The following PRKCE variants were observed in gnomAD, a reference collection of about 807,000 sequenced individuals.
PRKCE encodes protein kinase C epsilon.
In PRKCE, 16 loss-of-function variants were observed where a neutral mutation model predicts 85.4. That is an observed-to-expected ratio of 0.19 (90% CI 0.13 to 0.28). The LOEUF is 0.28. PRKCE is among the 10% of genes least tolerant of loss of function. The pLI, the probability that PRKCE is intolerant of heterozygous loss-of-function variation, is 1.00. For synonymous variants in PRKCE, 388 were observed against 371.5 expected (o/e 1.04, Z -0.51); for missense variants, 573 against 975.2 (o/e 0.59, Z 5.49).
At chr2:45,917,709 C>T (rs541087934) in intron 2 of PRKCE, among the ~76,000 whole-genome samples, 6 of 152,304 alleles carry the variant, frequency 3.9e-5, no homozygotes, top group African/African-American at 1.4e-4. Context: ...GACTGGGCGC[C>T]GTGGAGCAGG....
chr2:45,765,091 G>A (rs1684807263), intron 1 of PRKCE, among the ~76,000 whole-genome samples: 1 of 152,164 alleles, frequency 6.6e-6, no homozygotes, highest in Non-Finnish European at 1.5e-5. Context: ...CACGGGCCTT[G>A]TTTTCAGCAA....
At chr2:46,180,323 C>G (rs1214577169) in intron 14 of PRKCE, among the ~76,000 whole-genome samples, 1 of 152,082 alleles carries the variant, frequency 6.6e-6, no homozygotes, top group Non-Finnish European at 1.5e-5. Flanking sequence ...AGGAGGAAGC[C>G]CCATGGTTGG....
At chr2:46,169,707 T>C (rs115595978) in intron 14 of PRKCE, among the ~76,000 whole-genome samples, 4,690 of 152,290 alleles carry the variant, frequency 0.031, 115 homozygotes, top group Non-Finnish European at 0.044. Flanking sequence ...GCGCAGCAGC[T>C]GACATATCAG....
chr2:46,079,724 G>T (rs1668892006), intron 10 of PRKCE, among the ~76,000 whole-genome samples: 1 of 152,226 alleles, frequency 6.6e-6, no homozygotes, highest in Non-Finnish European at 1.5e-5. Flanking sequence ...GAATCTGTGT[G>T]TCCAAAGAAA....
chr2:46,133,634 A>G (rs1192823715), intron 11 of PRKCE, among the ~76,000 whole-genome samples: 3 of 152,176 alleles, frequency 2.0e-5, no homozygotes, highest in Admixed American at 6.5e-5. Context: ...TCTGACATTC[A>G]GTGAACATTG....
intron 2 of PRKCE, among the ~76,000 whole-genome samples, chr2:45,968,783 G>A (rs375229157): frequency 5.3e-5 from 8 of 152,196 alleles, no homozygotes; most frequent in African/African-American, 1.9e-4. Context: ...GACGTGGTGG[G>A]TAAGAGAAAG....
chr2:46,022,811 C>T (rs893503675), intron 10 of PRKCE, among the ~76,000 whole-genome samples: 17 of 152,272 alleles, frequency 1.1e-4, no homozygotes, highest in East Asian at 9.6e-4. Flanking sequence ...CGGCCGGGCG[C>T]GGTGGCTCAC....
chr2:46,160,734 G>A (rs1390204907), intron 14 of PRKCE, among the ~76,000 whole-genome samples: 1 of 152,206 alleles, frequency 6.6e-6, no homozygotes, highest in African/African-American at 2.4e-5. Flanking sequence ...CCTTCTCCAA[G>A]TGCAGAAAAG....
chr2:46,134,325 A>T (rs1356767509), intron 11 of PRKCE, among the ~76,000 whole-genome samples: 1 of 152,194 alleles, frequency 6.6e-6, no homozygotes, highest in South Asian at 2.1e-4. Context: ...GACAGGGACC[A>T]TCTGAAGGTT....
intron 2 of PRKCE, among the ~76,000 whole-genome samples, chr2:45,849,158 ACTGT>A (rs1692039758): frequency 6.6e-6 from 1 of 152,178 alleles, no homozygotes; most frequent in Admixed American, 6.5e-5. Flanking sequence ...AAATGTTTAA[ACTGT>A]CTGAAGATTG....
chr2:46,128,449 G>A (rs937400294), intron 11 of PRKCE, among the ~76,000 whole-genome samples: 6 of 152,196 alleles, frequency 3.9e-5, no homozygotes, highest in Admixed American at 2.6e-4. Context: ...TTTGAAATGA[G>A]TACTGTTATC....
intron 2 of PRKCE, among the ~76,000 whole-genome samples, chr2:45,916,917 G>T (rs187062029): frequency 1.3e-5 from 2 of 152,150 alleles, no homozygotes; most frequent in Non-Finnish European, 2.9e-5. Context: ...TGGTCTCACC[G>T]GCTCAGGAGT....
intron 11 of PRKCE, among the ~76,000 whole-genome samples, chr2:46,094,933 C>T (rs1401774402): frequency 6.6e-6 from 1 of 152,020 alleles, no homozygotes; most frequent in African/African-American, 2.4e-5. Flanking sequence ...ATCTATTTCT[C>T]TTTTCCAGAA....
chr2:46,130,790 C>CAGGT (rs1674362607), intron 11 of PRKCE, among the ~76,000 whole-genome samples: 1 of 152,210 alleles, frequency 6.6e-6, no homozygotes, highest in Non-Finnish European at 1.5e-5. Flanking sequence ...GTCCTGTACA[C>CAGGT]AGGTAGAAAG....
intron 2 of PRKCE, among the ~76,000 whole-genome samples, chr2:45,854,724 A>G (rs1246488285): frequency 6.6e-6 from 1 of 152,194 alleles, no homozygotes; most frequent in Non-Finnish European, 1.5e-5. Context: ...TACACTTACC[A>G]CCAGGGAGCC....
chr2:45,910,043 G>C lies in PRKCE; in HGVS notation c.413-66386G>C, dbSNP rs528652469. On this transcript the variant is annotated intron_variant, in intron 2 of 14. Transcript: ENST00000306156. The stretch of plus-strand genomic sequence containing the variant: ...AATGGCCCTTTCCAGTAAACTCACC[G>C]CCCCCCCCCAGCCAAGTGCCCAGGA... Among the ~76,000 whole-genome samples the C allele has an allele frequency of 2.9e-3, 436 of 147,912 alleles. 3 individuals carry two copies. Among genetic ancestry groups the C allele is most frequent in the African/African-American group, 0.011 (421 of 38,918 alleles).
intron 14 of PRKCE, among the ~76,000 whole-genome samples, chr2:46,179,080 T>C (rs1679713280): frequency 6.6e-6 from 1 of 152,108 alleles, no homozygotes; most frequent in East Asian, 1.9e-4. Context: ...GTGCTGTTGC[T>C]GTCACGCCAA....
chr2:45,876,394 A>T (rs572913849), intron 2 of PRKCE, among the ~76,000 whole-genome samples: 1 of 152,284 alleles, frequency 6.6e-6, no homozygotes, highest in South Asian at 2.1e-4. Context: ...CTTCCCAATG[A>T]TCCCAAATGT....
Position 45,652,499 on chromosome 2 carries a change from G to A in PRKCE, c.348+51G>A, listed in dbSNP as rs748624720. The A allele has an allele frequency of 5.4e-6, 8 of 1,488,276 alleles. No individual in the cohort carries two copies. In the Admixed American group the frequency reaches 1.5e-4, roughly 29 times the overall value. The allele number at this position is 1,488,276 out of a possible 1,614,324, so 92.2% of individuals were successfully genotyped here. A position where few individuals can be genotyped will look rare whatever the true frequency, so the allele number is the denominator to read the frequency against. On this transcript the variant is annotated intron_variant, in intron 1 of 14. Transcript: ENST00000306156. The surrounding 1 kb of genome is among the most constrained non-coding windows in gnomAD (Gnocchi z 7.7). ...CCGGGAACCCGGTTGTGGGGTCCCG[G>A]GGAAAGACTCGCTGGTCTTGATCGT...
Sources: allele counts gnomAD v4.1 joint callset (sites outside exome capture counted in the v4.1 genomes callset), GRCh38; gene constraint gnomAD v4.1.1; non-coding constraint Gnocchi (gnomAD v3.1); transcripts MANE v1.5; gene names NCBI Gene and HGNC (gene_info 2026-07-23, HGNC 2026-07-21).